The following TENM4 variants were observed in gnomAD, a reference collection of about 807,000 sequenced individuals.
The protein encoded by TENM4 is teneurin transmembrane protein 4, also known as teneurin-4.
A neutral mutation model predicts 243.3 loss-of-function variants in TENM4; 82 were observed. The observed-to-expected ratio is 0.34, with a 90% confidence interval of 0.28 to 0.40. TENM4 has a LOEUF of 0.40. TENM4 is among the 10% of genes least tolerant of loss of function. The pLI is 1.00. For missense variants in TENM4, 3,138 were observed against 3,673.3 expected, an observed-to-expected ratio of 0.85 and a Z score of 3.77; for synonymous variants, 1,412 against 1,456.3, an observed-to-expected ratio of 0.97 and a Z score of 0.69.
chr11:78,731,826 C>T (rs1210523986), intron 21 of TENM4, among the ~76,000 whole-genome samples: 2 of 152,182 alleles, frequency 1.3e-5, no homozygotes, highest in East Asian at 1.9e-4. Context: ...ATAATAATAG[C>T]TAAAATTTAT....
At chr11:79,134,793 T>C (rs1414137809) in intron 4 of TENM4, among the ~76,000 whole-genome samples, 1 of 152,124 alleles carries the variant, frequency 6.6e-6, no homozygotes, top group African/African-American at 2.4e-5. Flanking sequence ...GCTAGCGACA[T>C]GTAGGAGAAT....
chr11:78,694,155 G>A (rs572190730), intron 28 of TENM4, among the ~76,000 whole-genome samples: 1 of 152,304 alleles, frequency 6.6e-6, no homozygotes, highest in East Asian at 1.9e-4. Context: ...GGCTGGCAAG[G>A]AAAACGCCGA....
chr11:78,931,797 C>T (rs79266344), intron 6 of TENM4, among the ~76,000 whole-genome samples: 3,102 of 152,194 alleles, frequency 0.02, 61 homozygotes, highest in African/African-American at 0.053. Context: ...GACCTTCAAC[C>T]GGTTAATGAA....
At position 78,856,112 on chromosome 11, in the gene TENM4, C is replaced by T. The variant is rs763923313; in HGVS notation, c.1322G>A (p.Arg441Gln). The change falls in exon 11 of 34, where the codon CGA becomes CAA. Residue 441 changes from arginine to glutamine, a missense_variant. Coordinates refer to ENST00000278550, the MANE Select transcript of TENM4 (RefSeq NM_001098816.3). Reference protein sequence around the residue: ...IDSGEIDVGRRASQKIPPGTF... With the variant: ...IDSGEIDVGRQASQKIPPGTF... ...GCCAGGAGGAATCTTCTGGGAAGCTCGCCTTCCCACATCAATTTCTCCAGA... is the reference window on the plus strand; with the variant it reads ...GCCAGGAGGAATCTTCTGGGAAGCTTGCCTTCCCACATCAATTTCTCCAGA... 2.1e-5 allele frequency: 33 copies of T among 1,551,492 alleles called. No homozygotes were observed. The highest frequency in any genetic ancestry group is 1.4e-4 in the South Asian group (12 of 84,054).
At chr11:79,039,765 C>T (rs1395386432) in intron 6 of TENM4, among the ~76,000 whole-genome samples, 11 of 152,062 alleles carry the variant, frequency 7.2e-5, no homozygotes, top group African/African-American at 2.4e-4. Context: ...CAAACCTGCA[C>T]GTTCAGCACA....
At chr11:79,272,264 G>T (rs1009791090) in intron 2 of TENM4, among the ~76,000 whole-genome samples, 4 of 152,104 alleles carry the variant, frequency 2.6e-5, no homozygotes, top group Non-Finnish European at 5.9e-5. Flanking sequence ...TAGAGGGATT[G>T]TTTAGATCAT....
At chr11:79,105,758 A>G (rs1488767741) in intron 4 of TENM4, among the ~76,000 whole-genome samples, 1 of 152,232 alleles carries the variant, frequency 6.6e-6, no homozygotes, top group Non-Finnish European at 1.5e-5. Flanking sequence ...GCCCTAAACC[A>G]GATGACTAAA....
intron 1 of TENM4, among the ~76,000 whole-genome samples, chr11:79,327,562 T>C (rs1856993788): frequency 1.3e-5 from 2 of 151,946 alleles, no homozygotes; most frequent in Non-Finnish European, 1.5e-5. Flanking sequence ...ATTCCCATTT[T>C]ACAGATAAGA....
At chr11:79,156,853 C>T (rs1177162568) in intron 3 of TENM4, among the ~76,000 whole-genome samples, 1 of 152,096 alleles carries the variant, frequency 6.6e-6, no homozygotes, top group Non-Finnish European at 1.5e-5. Context: ...TCAAATATGC[C>T]CCCAAGTAAC....
At chr11:79,428,806 C>T (rs1019907539) in intron 1 of TENM4, among the ~76,000 whole-genome samples, 33 of 152,190 alleles carry the variant, frequency 2.2e-4, no homozygotes, top group Admixed American at 2.0e-3. Context: ...TCACTCACCT[C>T]GTACATAAAT....
chr11:79,162,192 G>A (rs477100), intron 3 of TENM4, among the ~76,000 whole-genome samples: 1 of 152,204 alleles, frequency 6.6e-6, no homozygotes. Context: ...TTGGTGGAGG[G>A]CAGTGGTCAA....
In TENM4 at chr11:78,801,889, G is replaced by A. The variant is rs143942878; in HGVS notation, c.2179+3403C>T. Among the ~76,000 whole-genome samples, 390 of 152,344 alleles carry A rather than the reference G, an allele frequency of 2.6e-3. 4 individuals are homozygous for A. The highest frequency in any genetic ancestry group is 8.9e-3 in the African/African-American group (368 of 41,578). ...AGCAAGATGACTTGAGCTACCGTTT[G>A]TCTAGGGTGTGAGCTGTGCCAGATA... On this transcript the variant is annotated intron_variant, in intron 15 of 33. Transcript: ENST00000278550.
rs564101246 is a variant in TENM4 at position 78,705,106 on chromosome 11, A to T, written c.4210-2703T>A. Among the ~76,000 whole-genome samples the T allele has an allele frequency of 2.0e-5, 3 of 152,346 alleles. No individual in the cohort carries two copies. The South Asian group carries it at 6.2e-4, about 32-fold the overall frequency. Reference sequence around the variant, plus strand: ...GCATCAGGAACACAGTTTGCTCTAAAGTGACAGGGGAATTTTCAATTTCTT... The same window carrying T: ...GCATCAGGAACACAGTTTGCTCTAATGTGACAGGGGAATTTTCAATTTCTT... On this transcript the variant is annotated intron_variant, in intron 27 of 33. Transcript: ENST00000278550.
In TENM4 at chr11:78,658,822, G is replaced by T. The variant is rs540240689; in HGVS notation, c.7552-6C>A. On this transcript the variant is annotated splice_region_variant and splice_polypyrimidine_tract_variant and intron_variant, in intron 33 of 33. Transcript: ENST00000278550. ...CACTGTACCCCGAGGATAGACTGATGGGGGAGGAGAGTGAGAGAGAGAGTA... is the reference window on the plus strand; with the variant it reads ...CACTGTACCCCGAGGATAGACTGATTGGGGAGGAGAGTGAGAGAGAGAGTA... 3.7e-5 allele frequency: 59 copies of T among 1,604,158 alleles called. No homozygotes were observed. In the South Asian group the frequency reaches 6.3e-4, roughly 17 times the overall value.
intron 9 of TENM4, among the ~76,000 whole-genome samples, chr11:78,868,470 G>C (rs1382030571): frequency 6.6e-6 from 1 of 152,296 alleles, no homozygotes; most frequent in East Asian, 1.9e-4. Flanking sequence ...GAGCCAAGGT[G>C]GGGGAAGTTC....
chr11:79,389,487 C>T (rs1858185882), intron 1 of TENM4, among the ~76,000 whole-genome samples: 1 of 152,138 alleles, frequency 6.6e-6, no homozygotes, highest in South Asian at 2.1e-4. Context: ...GCCTAGGCCC[C>T]GAGTCCCATC....
At position 78,806,642 on chromosome 11, in the gene TENM4, A is replaced by G. The variant is rs372847941; in HGVS notation, c.1979-1150T>C. 5.3e-5 allele frequency among the ~76,000 whole-genome samples: 8 copies of G among 152,364 alleles called. No individual in the cohort carries two copies. The East Asian group carries it at 9.6e-4, about 18-fold the overall frequency. The stretch of plus-strand genomic sequence containing the variant: ...AGGTAAATAATTTATGCCAGATCAC[A>G]CAGCTAAACTCTGCCAGAGAGGAAT... On this transcript the variant is annotated intron_variant, in intron 14 of 33. Coordinates refer to ENST00000278550, the MANE Select transcript of TENM4 (RefSeq NM_001098816.3).
chr11:78,767,704 T>TCCTTCC (rs1856566758), intron 18 of TENM4, among the ~76,000 whole-genome samples: 1 of 152,250 alleles, frequency 6.6e-6, no homozygotes, highest in Non-Finnish European at 1.5e-5. Flanking sequence ...ACTTGAGTCA[T>TCCTTCC]ATCATCTAAG....
intron 1 of TENM4, among the ~76,000 whole-genome samples, chr11:79,360,828 C>T (rs1214021621): frequency 6.6e-6 from 1 of 152,162 alleles, no homozygotes; most frequent in Non-Finnish European, 1.5e-5. Context: ...AACTACAATG[C>T]AAAATGTGTT....
Sources: gnomAD v4.1 joint callset for allele counts (sites outside exome capture counted in the v4.1 genomes callset) on GRCh38, gnomAD v4.1.1 for gene constraint, MANE v1.5 for transcripts, NCBI Gene and HGNC (gene_info 2026-07-23, HGNC 2026-07-21) for gene names.